The following ZSWIM7 variants were observed in gnomAD, a reference collection of about 807,000 sequenced individuals.
ZSWIM7 encodes zinc finger SWIM domain-containing protein 7.
A neutral mutation model predicts 21.1 loss-of-function variants in ZSWIM7; 22 were observed. The ratio of observed to expected loss-of-function variants is 1.04; its 90% confidence interval spans 0.74 to 1.49. ZSWIM7 has a LOEUF of 1.49. Among genes scored for constraint, ZSWIM7 ranks in the 40% most tolerant of loss-of-function variants. ZSWIM7 has a pLI of 0.00. For synonymous variants in ZSWIM7, 67 were observed against 66.5 expected, an observed-to-expected ratio of 1.01 and a Z score of -0.04; for missense variants, 193 against 168.0, an observed-to-expected ratio of 1.15 and a Z score of -0.82.
At chr17:15,996,836 G>C in intron 1 of ZSWIM7, among the ~76,000 whole-genome samples, 1 of 149,224 alleles carries the variant, frequency 6.7e-6, no homozygotes, top group Non-Finnish European at 1.5e-5. Context: ...GGGTGACAGA[G>C]CAAGACCTTG....
rs777021868 is a variant in ZSWIM7, at chr17:15,987,411, A to G, written c.99-43T>C. ...TTCAGATTAGAAGGCCTGATTCTCA[A>G]AGTCACCTCAGTAACTTGCCCAAAG... On this transcript the variant is annotated intron_variant, in intron 2 of 4. Transcript: ENST00000399277. 2.6e-6 allele frequency: 4 copies of G among 1,532,486 alleles called. No individual in the cohort carries two copies. The South Asian group carries it at 4.6e-5, about 18-fold the overall frequency. The allele number at this position is 1,532,486 out of a possible 1,614,324, so 94.9% of individuals were successfully genotyped here.
chr17:15,982,661 T>C (rs1001457503), intron 3 of ZSWIM7, among the ~76,000 whole-genome samples: 2 of 152,136 alleles, frequency 1.3e-5, no homozygotes, highest in Admixed American at 1.3e-4. Flanking sequence ...TTTTAATTTT[T>C]GTTTTTTGGA....
At chr17:15,993,606 T>C in intron 2 of ZSWIM7, 151 bp downstream of exon 2, 1 of 558,110 alleles carries the variant, frequency 1.8e-6, no homozygotes, top group South Asian at 1.9e-5. Context: ...GACTTCATGA[T>C]CCACTCACCT....
chr17:15,987,103 A>C (rs1426479552), intron 3 of ZSWIM7, among the ~76,000 whole-genome samples, 163 bp downstream of exon 3: 2 of 152,210 alleles, frequency 1.3e-5, no homozygotes, highest in Non-Finnish European at 2.9e-5. Flanking sequence ...AAAGTAAATA[A>C]AAATTTTAAA....
chr17:15,993,114 G>C (rs904979127), intron 2 of ZSWIM7, among the ~76,000 whole-genome samples: 4 of 152,084 alleles, frequency 2.6e-5, no homozygotes, highest in South Asian at 2.1e-4. Flanking sequence ...CTGACCTCAA[G>C]TGATCCACCC....
At position 15,999,575 on chromosome 17, in the gene ZSWIM7, G is replaced by T; in HGVS notation, c.20C>A (p.Ala7Glu). Residue 7 changes from alanine (A) to glutamate (E), a missense_variant, in exon 1 of 5, where the codon GCG becomes GAG. Transcript: ENST00000399277. ...CTCGCTCAGGAGCTCCTCCACAACCGCCGGCAACACTACGGCCATCGCGCC... is the reference window on the plus strand; with the variant it reads ...CTCGCTCAGGAGCTCCTCCACAACCTCCGGCAACACTACGGCCATCGCGCC... The part of the protein sequence containing the change: MAVVLP[A>E]VVEELLSEMA... The T allele has an allele frequency of 6.3e-7, 1 of 1,590,524 alleles. No homozygotes were observed.
intron 2 of ZSWIM7, among the ~76,000 whole-genome samples, chr17:15,988,925 C>A (rs1401776475): frequency 1.3e-5 from 2 of 152,088 alleles, no homozygotes; most frequent in Non-Finnish European, 2.9e-5. Context: ...GAGGCTGAGG[C>A]AGGAGAATCG....
chr17:15,985,218 C>T lies in ZSWIM7; in HGVS notation c.201+2048G>A, dbSNP rs546558227. 5.3e-5 allele frequency among the ~76,000 whole-genome samples: 8 copies of T among 151,596 alleles called. No homozygotes were observed. In the South Asian group the frequency reaches 1.2e-3, roughly 24 times the overall value. ...ACTCAGGAGGCTGAGGCAGAAGAAT[C>T]ACTTGAACCCAGGAGGCAGAGGTTG... On this transcript the variant is annotated intron_variant, in intron 3 of 4. Transcript: ENST00000399277.
intron 2 of ZSWIM7, among the ~76,000 whole-genome samples, chr17:15,992,147 G>A (rs996045058): frequency 5.3e-5 from 8 of 151,962 alleles, no homozygotes; most frequent in South Asian, 2.1e-4. Flanking sequence ...GGCTGGTCTC[G>A]AACTCCTGAC....
intron 3 of ZSWIM7, among the ~76,000 whole-genome samples, chr17:15,985,290 C>T (rs191197965): frequency 2.8e-5 from 4 of 140,430 alleles, no homozygotes; most frequent in African/African-American, 8.3e-5. Context: ...GGCAACAGAG[C>T]GAGACTCTGC....
intron 1 of ZSWIM7, among the ~76,000 whole-genome samples, chr17:15,996,298 C>T (rs182923723): frequency 3.3e-5 from 5 of 151,238 alleles, no homozygotes; most frequent in Non-Finnish European, 5.9e-5. Context: ...AGCGAAACTC[C>T]GTCTCAAAAA....
chr17:15,998,854 A>C (rs1436880116), intron 1 of ZSWIM7, among the ~76,000 whole-genome samples: 1 of 151,222 alleles, frequency 6.6e-6, no homozygotes, highest in Non-Finnish European at 1.5e-5. Flanking sequence ...TCCCGGGTTC[A>C]AGCGATTCTC....
At chr17:15,986,296 G>C (rs111230097) in intron 3 of ZSWIM7, among the ~76,000 whole-genome samples, 4,889 of 152,120 alleles carry the variant, frequency 0.032, 264 homozygotes, top group African/African-American at 0.11. Flanking sequence ...CACCTGCCTC[G>C]GCCTCCCAAA....
intron 3 of ZSWIM7, among the ~76,000 whole-genome samples, chr17:15,982,876 C>T (rs984322599): frequency 6.6e-6 from 1 of 151,990 alleles, no homozygotes; most frequent in African/African-American, 2.4e-5. Context: ...TGGTCTTTAA[C>T]TGCTGGGCTT....
At chr17:15,984,291 C>T (rs1040098900) in intron 3 of ZSWIM7, among the ~76,000 whole-genome samples, 1 of 152,366 alleles carries the variant, frequency 6.6e-6, no homozygotes, top group Non-Finnish European at 1.5e-5. Flanking sequence ...ACATTTAGAA[C>T]TGGAAATTGA....
chr17:15,988,876 C>T (rs767283734), intron 2 of ZSWIM7, among the ~76,000 whole-genome samples: 11 of 152,008 alleles, frequency 7.2e-5, no homozygotes, highest in Admixed American at 2.0e-4. Context: ...AAAAATTAGC[C>T]GGGCGTGGTG....
intron 1 of ZSWIM7, among the ~76,000 whole-genome samples, chr17:15,994,401 G>C (rs1970523790): frequency 6.6e-6 from 1 of 152,120 alleles, no homozygotes. Context: ...GGAGAGTCAA[G>C]CACCAGCCTG....
intron 2 of ZSWIM7, chr17:15,990,732 T>C (rs1159907035): frequency 6.6e-6 from 1 of 152,086 alleles, no homozygotes; most frequent in African/African-American, 2.4e-5. Flanking sequence ...CAACAAATTA[T>C]TGGGGGAAAT....
Position 15,980,997 on chromosome 17 carries a change from C to G in ZSWIM7, c.306+43G>C, listed in dbSNP as rs370491268. 5 of 1,454,244 alleles carry G rather than the reference C, an allele frequency of 3.4e-6. No homozygotes were observed. In the African/African-American group the frequency reaches 5.7e-5, roughly 16 times the overall value. 90.1% of individuals were successfully genotyped at this position (1,454,244 alleles called of 1,614,324 possible). ...AAACCACAAAGTAAGGGCAATTTCTCTCTACATTCAACTACAGTGGGAAGA... is the reference window on the plus strand; with the variant it reads ...AAACCACAAAGTAAGGGCAATTTCTGTCTACATTCAACTACAGTGGGAAGA... On this transcript the variant is annotated intron_variant, in intron 4 of 4. Transcript: ENST00000399277.
Sources: gnomAD v4.1 joint callset for allele counts (sites outside exome capture counted in the v4.1 genomes callset) on GRCh38, gnomAD v4.1.1 for gene constraint, MANE v1.5 for transcripts, NCBI Gene and HGNC (gene_info 2026-07-23, HGNC 2026-07-21) for gene names.